ZNF804A: variants seen among roughly 807,000 people sequenced by gnomAD.
The protein encoded by ZNF804A is zinc finger protein 804A.
In ZNF804A, 2 loss-of-function variants were observed where a neutral mutation model predicts 16.5. The ratio of observed to expected loss-of-function variants is 0.12; its 90% CI spans 0.05 to 0.38. The LOEUF is 0.38. Among genes scored for constraint, ZNF804A ranks in the 10% least tolerant of loss-of-function variants. The pLI is 0.99. For synonymous variants in ZNF804A, 534 were observed against 489.6 expected, an observed-to-expected ratio of 1.09 and a Z score of -1.20; for missense variants, 1,473 against 1,390.7, an observed-to-expected ratio of 1.06 and a Z score of -0.94.
intron 2 of ZNF804A, among the ~76,000 whole-genome samples, chr2:184,895,365 C>A (rs1388966861): frequency 6.6e-6 from 1 of 152,122 alleles, no homozygotes; most frequent in Non-Finnish European, 1.5e-5. Context: ...AAATATGAAT[C>A]TTTAAGAAGC....
intron 1 of ZNF804A, among the ~76,000 whole-genome samples, chr2:184,734,189 G>A (rs1693572177): frequency 6.6e-6 from 1 of 151,996 alleles, no homozygotes; most frequent in Admixed American, 6.6e-5. Context: ...AGATCCTCCT[G>A]CCTCAGTAAC....
At chr2:184,928,938 C>T (rs2105840353) in intron 2 of ZNF804A, among the ~76,000 whole-genome samples, 2 of 152,242 alleles carry the variant, frequency 1.3e-5, no homozygotes, top group Middle Eastern at 6.8e-3. Context: ...ATTGGCTATT[C>T]AAGACTGTTT....
intron 1 of ZNF804A, among the ~76,000 whole-genome samples, chr2:184,854,975 T>G (rs1695664954): frequency 6.6e-6 from 1 of 152,084 alleles, no homozygotes; most frequent in African/African-American, 2.4e-5. Context: ...TGATAACATA[T>G]TTACTTGTCA....
intron 1 of ZNF804A, among the ~76,000 whole-genome samples, chr2:184,774,497 T>C (rs1558958002): frequency 6.6e-6 from 1 of 151,746 alleles, no homozygotes; most frequent in Non-Finnish European, 1.5e-5. Context: ...AAGTGGAACA[T>C]CTTGTTGCTG....
intron 2 of ZNF804A, among the ~76,000 whole-genome samples, chr2:184,877,942 C>T (rs1018684672): frequency 1.1e-4 from 17 of 152,066 alleles, no homozygotes; most frequent in African/African-American, 3.9e-4. Flanking sequence ...GTATTGTGTT[C>T]TCCTTTCCCC....
intron 1 of ZNF804A, among the ~76,000 whole-genome samples, chr2:184,859,101 T>G (rs1695750695): frequency 6.6e-6 from 1 of 152,178 alleles, no homozygotes; most frequent in Non-Finnish European, 1.5e-5. Flanking sequence ...TTGTCTTTAA[T>G]TTTTGACAGT....
chr2:184,836,083 T>G (rs1695341382), intron 1 of ZNF804A, among the ~76,000 whole-genome samples: 1 of 151,958 alleles, frequency 6.6e-6, no homozygotes, highest in Admixed American at 6.6e-5. Flanking sequence ...TTTCCCTATC[T>G]ATAAATGAGA....
intron 1 of ZNF804A, among the ~76,000 whole-genome samples, chr2:184,822,659 C>T (rs906633759): frequency 6.6e-6 from 1 of 151,962 alleles, no homozygotes; most frequent in African/African-American, 2.4e-5. Context: ...ATTTTTAAAA[C>T]TAACTTAAAA....
At chr2:184,886,041 C>G (rs1684884610) in intron 2 of ZNF804A, among the ~76,000 whole-genome samples, 1 of 152,184 alleles carries the variant, frequency 6.6e-6, no homozygotes, top group South Asian at 2.1e-4. Context: ...AAAGTCTCAA[C>G]TGAGACAAGG....
chr2:184,619,768 G>A (rs1574134335), intron 1 of ZNF804A, among the ~76,000 whole-genome samples: 1 of 151,722 alleles, frequency 6.6e-6, no homozygotes, highest in African/African-American at 2.4e-5. Flanking sequence ...ATAAATTATC[G>A]TTATTTATAA....
At chr2:184,765,549 C>T (rs1014702449) in intron 1 of ZNF804A, among the ~76,000 whole-genome samples, 9 of 151,686 alleles carry the variant, frequency 5.9e-5, no homozygotes, top group Admixed American at 4.6e-4. Flanking sequence ...TGGGTGCATG[C>T]AGCCCCCAGT....
Position 184,938,840 on chromosome 2 carries a change from A to G in ZNF804A, c.3444A>G (p.Val1148=), listed in dbSNP as rs1685845879. The G allele has an allele frequency of 3.1e-6, 5 of 1,613,872 alleles. No homozygotes were observed. The highest frequency in any genetic ancestry group is 4.2e-6 in the Non-Finnish European group (5 of 1,180,002). ...LTRTSLPQLS[V]GPVGPRLCPG... ...GAACCTCATTACCTCAGCTCTCAGT[A>G]GGACCAGTAGGACCGAGGCTTTGTC... The change falls in exon 4 of 4, where the codon GTA becomes GTG. Residue 1148 remains valine (V), a synonymous_variant. Coordinates refer to ENST00000302277, the MANE Select transcript of ZNF804A (RefSeq NM_194250.2).
At chr2:184,718,882 C>T (rs931668859) in intron 1 of ZNF804A, among the ~76,000 whole-genome samples, 3 of 152,088 alleles carry the variant, frequency 2.0e-5, no homozygotes, top group Admixed American at 1.3e-4. Flanking sequence ...GACAGTGGCC[C>T]TCTTTTCACA....
chr2:184,814,920 G>T (rs550776291), intron 1 of ZNF804A, among the ~76,000 whole-genome samples: 15 of 151,984 alleles, frequency 9.9e-5, no homozygotes, highest in Non-Finnish European at 1.6e-4. Context: ...TTAAATACCT[G>T]TAGCCCTTGT....
chr2:184,634,715 T>G (rs1185754651), intron 1 of ZNF804A, among the ~76,000 whole-genome samples: 2 of 152,190 alleles, frequency 1.3e-5, no homozygotes, highest in East Asian at 3.8e-4. Context: ...AGCATAGCCT[T>G]GCCATCACAT....
chr2:184,873,994 T>G (rs1465096841), intron 2 of ZNF804A, among the ~76,000 whole-genome samples: 3 of 152,140 alleles, frequency 2.0e-5, no homozygotes, highest in Non-Finnish European at 4.4e-5. Flanking sequence ...TATTTGTAAA[T>G]TAATTAGGAT....
intron 1 of ZNF804A, among the ~76,000 whole-genome samples, chr2:184,645,585 G>C (rs552167722): frequency 7.2e-5 from 11 of 152,236 alleles, no homozygotes; most frequent in Admixed American, 5.9e-4. Context: ...AAAAAGAAAA[G>C]CTGATAACAT....
intron 2 of ZNF804A, among the ~76,000 whole-genome samples, chr2:184,931,960 G>T (rs1404342700): frequency 6.6e-6 from 1 of 152,140 alleles, no homozygotes; most frequent in Non-Finnish European, 1.5e-5. Flanking sequence ...TAGGGCAGGG[G>T]CAAAATGTCA....
chr2:184,932,118 G>A (rs1049707062), intron 2 of ZNF804A, among the ~76,000 whole-genome samples: 2 of 152,124 alleles, frequency 1.3e-5, no homozygotes, highest in East Asian at 1.9e-4. Context: ...CATTTGACAA[G>A]TCTGTAGGAG....
Sources: gnomAD v4.1 joint callset for allele counts (sites outside exome capture counted in the v4.1 genomes callset) on GRCh38, gnomAD v4.1.1 for gene constraint, MANE v1.5 for transcripts, NCBI Gene and HGNC (gene_info 2026-07-23, HGNC 2026-07-21) for gene names.